SOX5: variants seen among roughly 807,000 people sequenced by gnomAD.
The protein encoded by SOX5 is SRY-box transcription factor 5, also known as transcription factor SOX-5.
In SOX5, 9 loss-of-function variants were observed where a neutral mutation model predicts 92.0. That is an observed-to-expected ratio of 0.10 (90% CI 0.06 to 0.17). The LOEUF (loss-of-function observed/expected upper bound fraction) is 0.17, where lower values mean the gene tolerates loss of function less well. SOX5 is among the 10% of genes least tolerant of loss of function. The pLI is 1.00. For missense variants in SOX5, 642 were observed against 944.5 expected, an observed-to-expected ratio of 0.68 and a Z score of 4.20; for synonymous variants, 344 against 336.3, an observed-to-expected ratio of 1.02 and a Z score of -0.25.
At chr12:24,469,287 C>T (rs1266575266) in intron 1 of SOX5, among the ~76,000 whole-genome samples, 3 of 152,224 alleles carry the variant, frequency 2.0e-5, no homozygotes, top group Middle Eastern at 3.4e-3. Context: ...CGATGGGGAG[C>T]GGCTTGCTCA....
chr12:24,142,600 C>T (rs567952434), intron 4 of SOX5, among the ~76,000 whole-genome samples: 7 of 152,024 alleles, frequency 4.6e-5, no homozygotes, highest in Non-Finnish European at 8.8e-5. Context: ...CCTGAAATAA[C>T]GTCTAAACAA....
rs865788956 is a variant in SOX5, at chr12:24,173,844, C to T, written c.-2+39499G>A. Among the ~76,000 whole-genome samples, 9 of 152,194 alleles carry T rather than the reference C, an allele frequency of 5.9e-5. No homozygotes were observed. In the South Asian group the frequency reaches 8.3e-4, roughly 14 times the overall value. On this transcript the variant is annotated intron_variant, in intron 4 of 4. Transcript: ENST00000446891. ...TAAGAAGTTATCCCGGATATTCATC[C>T]AGTTACTACCAGCCGTGGAAAATGA...
chr12:23,786,677 T>A lies in SOX5; in HGVS notation c.482-30953A>T, dbSNP rs1259287024. 9.7e-5 allele frequency among the ~76,000 whole-genome samples: 11 copies of A among 112,968 alleles called. 2 individuals carry two copies. Among genetic ancestry groups the A allele is most frequent in the Admixed American group, 6.9e-4 (9 of 12,990 alleles). 74.1% of individuals were successfully genotyped at this position (112,968 alleles called of 152,430 possible). On this transcript the variant is annotated intron_variant, in intron 3 of 14. Transcript: ENST00000451604. Reference sequence around the variant, plus strand: ...ATAGCGTAGGTATGCAACTATAACATCAAAGTATGACAAATCCACAAATGA... The same window carrying A: ...ATAGCGTAGGTATGCAACTATAACAACAAAGTATGACAAATCCACAAATGA...
intron 3 of SOX5, among the ~76,000 whole-genome samples, chr12:24,236,196 T>C (rs1166563946): frequency 2.0e-5 from 3 of 151,732 alleles, no homozygotes; most frequent in Non-Finnish European, 2.9e-5. Flanking sequence ...AGACTCAGTC[T>C]CAAAAATAAA....
chr12:24,340,998 C>T (rs1952514893), intron 2 of SOX5, among the ~76,000 whole-genome samples: 1 of 152,254 alleles, frequency 6.6e-6, no homozygotes, highest in South Asian at 2.1e-4. Flanking sequence ...TCTGGGCAAC[C>T]ACATACCAAT....
intron 3 of SOX5, among the ~76,000 whole-genome samples, chr12:23,789,831 A>C (rs1220669381): frequency 2.6e-5 from 4 of 152,196 alleles, no homozygotes; most frequent in Non-Finnish European, 5.9e-5. Context: ...GTGAGAAAGA[A>C]AATAAGAAAA....
chr12:23,706,040 C>T (rs777842923), intron 6 of SOX5, among the ~76,000 whole-genome samples: 2 of 151,214 alleles, frequency 1.3e-5, no homozygotes, highest in African/African-American at 4.9e-5. Context: ...CTTTTTATTG[C>T]TTTAAGTGAG....
intron 4 of SOX5, among the ~76,000 whole-genome samples, chr12:24,013,626 G>T (rs1361236867): frequency 1.3e-5 from 2 of 152,108 alleles, no homozygotes; most frequent in Admixed American, 1.3e-4. Flanking sequence ...CTGCTATAGT[G>T]AACTAATTTG....
intron 6 of SOX5, among the ~76,000 whole-genome samples, chr12:23,691,786 T>C (rs573526811): frequency 1.3e-5 from 2 of 152,324 alleles, no homozygotes; most frequent in South Asian, 2.1e-4. Flanking sequence ...CTATTTTAAA[T>C]GAGTCTTTTC....
intron 1 of SOX5, among the ~76,000 whole-genome samples, chr12:24,376,763 G>A (rs1957325000): frequency 8.2e-6 from 1 of 121,492 alleles, no homozygotes; most frequent in Non-Finnish European, 1.6e-5. Flanking sequence ...CTGGAGTATA[G>A]TGGTGCAATT....
chr12:23,721,362 G>C (rs1402361633), intron 6 of SOX5, among the ~76,000 whole-genome samples: 1 of 152,148 alleles, frequency 6.6e-6, no homozygotes, highest in Non-Finnish European at 1.5e-5. Flanking sequence ...TGGGATTACA[G>C]GCATGAGCCA....
chr12:24,274,600 T>C (rs1944198684), intron 3 of SOX5, among the ~76,000 whole-genome samples: 1 of 151,754 alleles, frequency 6.6e-6, no homozygotes, highest in Non-Finnish European at 1.5e-5. Flanking sequence ...CTCCAACGTC[T>C]ATGCTTCCAA....
At chr12:24,442,240 T>C (rs1940732927) in intron 1 of SOX5, among the ~76,000 whole-genome samples, 1 of 152,244 alleles carries the variant, frequency 6.6e-6, no homozygotes, top group Middle Eastern at 3.2e-3. Context: ...ATATTTGATG[T>C]CCTGTTAGGT....
chr12:23,968,789 CTCTG>C (rs1409685925), intron 4 of SOX5, among the ~76,000 whole-genome samples: 1 of 152,204 alleles, frequency 6.6e-6, no homozygotes, highest in Non-Finnish European at 1.5e-5. Context: ...TATCCTACCT[CTCTG>C]TCTGCCCCTT....
chr12:23,835,576 C>A (rs898778665), intron 3 of SOX5, among the ~76,000 whole-genome samples: 4 of 151,746 alleles, frequency 2.6e-5, no homozygotes, highest in Admixed American at 1.3e-4. Flanking sequence ...GTTAATCTCC[C>A]ATTAAAAGTT....
At position 24,327,644 on chromosome 12, in the gene SOX5, C is replaced by T. The variant is rs371796964; in HGVS notation, c.-174+40919G>A. Among the ~76,000 whole-genome samples, 318 of 151,724 alleles carry T rather than the reference C, an allele frequency of 2.1e-3. 17 individuals are homozygous for T. In the South Asian group the frequency reaches 0.061, roughly 29 times the overall value. On this transcript the variant is annotated intron_variant, in intron 2 of 4. Coordinates refer to the SOX5 transcript ENST00000446891. ...TGTCCCCCAGGCTGGAGTGCAGTGG[C>T]GCATTCTCCGCTCACTGCAAACTCT... is the stretch of plus-strand genomic sequence containing the variant.
At chr12:23,922,587 C>T (rs1316378314) in intron 1 of SOX5, among the ~76,000 whole-genome samples, 1 of 152,142 alleles carries the variant, frequency 6.6e-6, no homozygotes, top group Non-Finnish European at 1.5e-5. Flanking sequence ...AAGTTGAAAC[C>T]AGTCTTTAGA....
intron 2 of SOX5, among the ~76,000 whole-genome samples, chr12:24,335,987 A>ATC (rs764983675): frequency 7.4e-6 from 1 of 134,362 alleles, no homozygotes; most frequent in East Asian, 3.6e-4. Context: ...ATATATATAT[A>ATC]TCCATAATAT....
intron 3 of SOX5, among the ~76,000 whole-genome samples, chr12:23,832,432 G>T (rs915965771): frequency 6.6e-6 from 1 of 151,512 alleles, no homozygotes; most frequent in African/African-American, 2.4e-5. Context: ...CCGGTGTTTC[G>T]GTATATAAAA....
Sources: gnomAD v4.1 joint callset for allele counts (sites outside exome capture counted in the v4.1 genomes callset) on GRCh38, gnomAD v4.1.1 for gene constraint, MANE v1.5 for transcripts, NCBI Gene and HGNC (gene_info 2026-07-23, HGNC 2026-07-21) for gene names.